The following PCDHGC3 variants were observed in gnomAD, a reference collection of about 807,000 sequenced individuals.
The protein encoded by PCDHGC3 is protocadherin gamma-C3.
PCDHGC3 carries 26 observed loss-of-function variants against 59.2 expected under a neutral mutation model. The observed-to-expected ratio is 0.44, with a 90% CI of 0.32 to 0.61. The LOEUF is 0.61. Among genes scored for constraint, PCDHGC3 ranks in the 20% least tolerant of loss-of-function variants. The pLI is 0.05. For synonymous variants in PCDHGC3, 487 were observed against 519.7 expected, an observed-to-expected ratio of 0.94 and a Z score of 0.86; for missense variants, 1,080 against 1,221.8, an observed-to-expected ratio of 0.88 and a Z score of 1.73.
rs149806642 is a variant in PCDHGC3 at position 141,502,449 on chromosome 5, A to T, written c.2490-2944A>T. 7.7e-3 allele frequency among the ~76,000 whole-genome samples: 1,166 copies of T among 151,886 alleles called. 15 individuals carry two copies. The highest frequency in any genetic ancestry group is 0.027 in the African/African-American group (1,103 of 41,308). On this transcript the variant is annotated intron_variant, in intron 2 of 3. Coordinates refer to ENST00000308177, the MANE Select transcript of PCDHGC3 (RefSeq NM_002588.4). The stretch of plus-strand genomic sequence containing the variant: ...TCTGATGGTTAGATTCAGATTACAC[A>T]CCTTGGTAGGAATACTTCCCGCAGC...
Position 141,490,089 on chromosome 5 carries a change from C to G in PCDHGC3, c.2431-4718C>G. On this transcript the variant is annotated intron_variant, in intron 1 of 3. Transcript: ENST00000308177. This position sits in a 1 kb window ranked among gnomAD's most constrained non-coding sequence, Gnocchi z 5.4. ...GCCAACTAGACTATTCTTTTGGAGACCACACATCTGAGGCAGTGCGGAACC... is the reference window on the plus strand; with the variant it reads ...GCCAACTAGACTATTCTTTTGGAGAGCACACATCTGAGGCAGTGCGGAACC... 1 of 1,614,232 alleles carries G rather than the reference C, an allele frequency of 6.2e-7. No homozygotes were observed. The highest frequency in any genetic ancestry group is 8.5e-7 in the Non-Finnish European group (1 of 1,180,026).
intron 2 of PCDHGC3, among the ~76,000 whole-genome samples, chr5:141,501,703 G>A (rs183907124): frequency 6.6e-6 from 1 of 152,088 alleles, no homozygotes; most frequent in Non-Finnish European, 1.5e-5. Flanking sequence ...GTGATTCCGA[G>A]GATAAAAAAG....
rs1041367498 is a variant in PCDHGC3 at position 141,489,060 on chromosome 5, T to G, written c.2431-5747T>G. ...CAGCTCCACTCAAATTCAGCTCCCCTCCCCCCTGCCCACCCCCGCCACTCG... is the reference window on the plus strand; with the variant it reads ...CAGCTCCACTCAAATTCAGCTCCCCGCCCCCCTGCCCACCCCCGCCACTCG... On this transcript the variant is annotated intron_variant, in intron 1 of 3. Transcript: ENST00000308177. This position sits in a 1 kb window ranked among gnomAD's most constrained non-coding sequence, Gnocchi z 4.5. The G allele has an allele frequency of 1.7e-5, 5 of 300,224 alleles. No individual in the cohort carries two copies. The highest frequency in any genetic ancestry group is 2.4e-5 in the African/African-American group (1 of 42,484). The allele number at this position is 300,224 out of a possible 1,614,324, so 18.6% of individuals were successfully genotyped here.
intron 3 of PCDHGC3, among the ~76,000 whole-genome samples, chr5:141,508,986 G>C (rs1298630784): frequency 2.0e-5 from 3 of 152,148 alleles, no homozygotes; most frequent in Non-Finnish European, 4.4e-5. Context: ...GTGGGGGCCA[G>C]CTGGGGTAGG....
chr5:141,487,323 G>A lies in PCDHGC3; in HGVS notation c.2431-7484G>A, dbSNP rs374901235. Reference sequence around the variant, plus strand: ...GTGGCACTACTCTCTAAGTGTCTTCGTGGGGCAGCCTGTGGAGTCACATGC... The same window carrying A: ...GTGGCACTACTCTCTAAGTGTCTTCATGGGGCAGCCTGTGGAGTCACATGC... On this transcript the variant is annotated intron_variant, in intron 1 of 3. Coordinates refer to ENST00000308177, the MANE Select transcript of PCDHGC3 (RefSeq NM_002588.4). The surrounding 1 kb of genome is among the most constrained non-coding windows in gnomAD (Gnocchi z 5.0). 4.0e-5 allele frequency: 65 copies of A among 1,613,982 alleles called. No homozygotes were observed. Among genetic ancestry groups the A allele is most frequent in the Non-Finnish European group, 4.7e-5 (56 of 1,180,012 alleles).
Position 141,493,760 on chromosome 5 carries a change from G to C in PCDHGC3, c.2431-1047G>C, listed in dbSNP as rs1268832909. On this transcript the variant is annotated intron_variant, in intron 1 of 3. Coordinates refer to ENST00000308177, the MANE Select transcript of PCDHGC3 (RefSeq NM_002588.4). The surrounding 1 kb of genome is among the most constrained non-coding windows in gnomAD (Gnocchi z 4.3). ...ACTGCCACCTGTGAGCCTTGAGTGA[G>C]CCACTGGCAGTTCCGGAGCTTCCTT... Among the ~76,000 whole-genome samples, 1 of 152,166 alleles carries C rather than the reference G, an allele frequency of 6.6e-6. No individual in the cohort carries two copies. The highest frequency in any genetic ancestry group is 1.5e-5 in the Non-Finnish European group (1 of 68,022).
Position 141,487,315 on chromosome 5 carries a change from G to C in PCDHGC3, c.2431-7492G>C, listed in dbSNP as rs568326280. On this transcript the variant is annotated intron_variant, in intron 1 of 3. Transcript: ENST00000308177. The surrounding 1 kb of genome is among the most constrained non-coding windows in gnomAD (Gnocchi z 5.0). ...GCTCATTCGTGGCACTACTCTCTAA[G>C]TGTCTTCGTGGGGCAGCCTGTGGAG... 6.2e-7 allele frequency: 1 copy of C among 1,614,166 alleles called. No individual in the cohort carries two copies. Among genetic ancestry groups the C allele is most frequent in the Admixed American group, 1.7e-5 (1 of 60,028 alleles).
rs2099417434 is a variant in PCDHGC3, at chr5:141,477,762, C to T, written c.1646C>T (p.Thr549Ile). 1 of 1,613,968 alleles carries T rather than the reference C, an allele frequency of 6.2e-7. No homozygotes were observed. The highest frequency in any genetic ancestry group is 8.5e-7 in the Non-Finnish European group (1 of 1,180,032). Residue 549 changes from threonine (T) to isoleucine (I), a missense_variant, in exon 1 of 4, where the codon ACC becomes ATC. Transcript: ENST00000308177. This position sits in a 1 kb window ranked among gnomAD's most constrained non-coding sequence, Gnocchi z 4.9. ...GATGGGGGCACCCCGGTCCTAGCCA[C>T]CAACATCAGCGTGAACATATTTGTC... ...ISDGGTPVLA[T>I]NISVNIFVTD...
chr5:141,495,005 CG>C (rs2099758180), intron 2 of PCDHGC3, 140 bp downstream of exon 2: 2 of 1,522,694 alleles, frequency 1.3e-6, no homozygotes, highest in African/African-American at 1.4e-5. Context: ...TCTTGGTGTG[CG>C]GGGGGCTGGC....
At chr5:141,494,758 T>A (rs370692038) in intron 1 of PCDHGC3, 49 bp from the exon 2 acceptor site, 2 of 1,613,800 alleles carry the variant, frequency 1.2e-6, no homozygotes, top group Admixed American at 3.3e-5. Context: ...CGGGTGACAT[T>A]CTAACTTCTC....
chr5:141,476,716 C>T lies in PCDHGC3; in HGVS notation c.600C>T (p.Arg200=). Residue 200 remains arginine, a synonymous_variant, in exon 1 of 4, where the codon CGC becomes CGT. Transcript: ENST00000308177. This position sits in a 1 kb window ranked among gnomAD's most constrained non-coding sequence, Gnocchi z 7.6. The part of the protein sequence containing the change: ...STKYAELVLE[R]ALDREREPSL... ...AGTACGCGGAGCTGGTGTTGGAGCG[C>T]GCCCTGGACCGAGAACGGGAGCCTA... 15 of 1,614,148 alleles carry T rather than the reference C, an allele frequency of 9.3e-6. No homozygotes were observed. The highest frequency in any genetic ancestry group is 1.3e-5 in the Non-Finnish European group (15 of 1,180,036).
At position 141,490,874 on chromosome 5, in the gene PCDHGC3, A is replaced by T. The variant is rs368927472; in HGVS notation, c.2431-3933A>T. 2 of 1,613,948 alleles carry T rather than the reference A, an allele frequency of 1.2e-6. No homozygotes were observed. Among genetic ancestry groups the T allele is most frequent in the Non-Finnish European group, 1.7e-6 (2 of 1,179,952 alleles). On this transcript the variant is annotated intron_variant, in intron 1 of 3. Transcript: ENST00000308177. The surrounding 1 kb of genome is among the most constrained non-coding windows in gnomAD (Gnocchi z 5.4). The stretch of plus-strand genomic sequence containing the variant: ...CGAGACTCCGGCTCTCCCCCATTGC[A>T]TGCCAACACATCTCTGCATGTGTTT...
Position 141,486,979 on chromosome 5 carries a change from C to T in PCDHGC3, c.2431-7828C>T. On this transcript the variant is annotated intron_variant, in intron 1 of 3. Transcript: ENST00000308177. This position sits in a 1 kb window ranked among gnomAD's most constrained non-coding sequence, Gnocchi z 5.0. ...CTGCTGTGGACTTGGATTCAGGTTACAATGCTTGGGTTTCCTATCAGCTCC... is the reference window on the plus strand; with the variant it reads ...CTGCTGTGGACTTGGATTCAGGTTATAATGCTTGGGTTTCCTATCAGCTCC... 6.2e-7 allele frequency: 1 copy of T among 1,614,200 alleles called. No individual in the cohort carries two copies. Among genetic ancestry groups the T allele is most frequent in the Non-Finnish European group, 8.5e-7 (1 of 1,180,032 alleles).
chr5:141,508,725 G>C (rs1447443196), intron 3 of PCDHGC3, among the ~76,000 whole-genome samples: 1 of 151,788 alleles, frequency 6.6e-6, no homozygotes, highest in Non-Finnish European at 1.5e-5. Flanking sequence ...TGTGCAGGGA[G>C]ACTACACCCC....
At chr5:141,496,602 C>T (rs981108050) in intron 2 of PCDHGC3, among the ~76,000 whole-genome samples, 1 of 152,150 alleles carries the variant, frequency 6.6e-6, no homozygotes, top group Non-Finnish European at 1.5e-5. Flanking sequence ...TCTTAGAAGG[C>T]CCCTAAAAAG....
At position 141,477,483 on chromosome 5, in the gene PCDHGC3, A is replaced by T; in HGVS notation, c.1367A>T (p.Gln456Leu). ...QVSDINDNPP[Q>L]SSQSSYDVYI... ...TCCGACATCAATGACAACCCTCCAC[A>T]ATCTTCTCAATCTTCCTACGACGTT... Residue 456 changes from glutamine to leucine, a missense_variant, in exon 1 of 4, where the codon CAA becomes CTA. Coordinates refer to ENST00000308177, the MANE Select transcript of PCDHGC3 (RefSeq NM_002588.4). The surrounding 1 kb of genome is among the most constrained non-coding windows in gnomAD (Gnocchi z 4.9). 1 of 1,614,028 alleles carries T rather than the reference A, an allele frequency of 6.2e-7. No homozygotes were observed.
chr5:141,493,656 T>C lies in PCDHGC3; in HGVS notation c.2431-1151T>C, dbSNP rs1481871984. Among the ~76,000 whole-genome samples, 1 of 152,184 alleles carries C rather than the reference T, an allele frequency of 6.6e-6. No homozygotes were observed. Among genetic ancestry groups the C allele is most frequent in the African/African-American group, 2.4e-5 (1 of 41,454 alleles). ...CTGAGGGCTGGCCATCCCTGTGCCC[T>C]TCTCCATGGCAGCCCCAGAATGGTG... On this transcript the variant is annotated intron_variant, in intron 1 of 3. Coordinates refer to ENST00000308177, the MANE Select transcript of PCDHGC3 (RefSeq NM_002588.4). The surrounding 1 kb of genome is among the most constrained non-coding windows in gnomAD (Gnocchi z 4.3).
Position 141,476,667 on chromosome 5 carries a change from T to C in PCDHGC3, c.551T>C (p.Val184Ala). 6.2e-7 allele frequency: 1 copy of C among 1,614,234 alleles called. No individual in the cohort carries two copies. Among genetic ancestry groups the C allele is most frequent in the Non-Finnish European group, 8.5e-7 (1 of 1,180,042 alleles). ...LSRNEYFALR[V>A]QTREDSTKYA... ...CGAAATGAATACTTTGCGCTTCGCG[T>C]GCAGACGCGGGAGGACAGCACCAAG... Residue 184 changes from valine (V) to alanine (A), a missense_variant, in exon 1 of 4, where the codon GTG (valine) becomes GCG (alanine). Physicochemically the swap from Val to Ala is moderately conservative, Grantham distance 64 (BLOSUM62 0). Transcript: ENST00000308177. The surrounding 1 kb of genome is among the most constrained non-coding windows in gnomAD (Gnocchi z 7.6).
chr5:141,482,645 G>A (rs1267966412), intron 1 of PCDHGC3, among the ~76,000 whole-genome samples: 1 of 152,120 alleles, frequency 6.6e-6, no homozygotes, highest in Admixed American at 6.5e-5. Context: ...TAGAGGTGGT[G>A]ATGCTTGAGC....
Sources: allele counts gnomAD v4.1 joint callset (sites outside exome capture counted in the v4.1 genomes callset), GRCh38; gene constraint gnomAD v4.1.1; non-coding constraint Gnocchi (gnomAD v3.1); transcripts MANE v1.5; gene names NCBI Gene and HGNC (gene_info 2026-07-23, HGNC 2026-07-21).